CDYL2: variants seen among roughly 807,000 people sequenced by gnomAD.
The protein encoded by CDYL2 is chromodomain Y-like protein 2.
In CDYL2, 23 loss-of-function variants were observed where a neutral mutation model predicts 49.4. The ratio of observed to expected loss-of-function variants is 0.47; its 90% confidence interval spans 0.34 to 0.66. The LOEUF (loss-of-function observed/expected upper bound fraction) is 0.66. CDYL2 is among the 30% of genes least tolerant of loss of function. The pLI is 0.01. For missense variants in CDYL2, 678 were observed against 656.4 expected (o/e 1.03, Z -0.36); for synonymous variants, 360 against 268.8 (o/e 1.34, Z -3.32).
In CDYL2 at chr16:80,600,449, T is replaced by A. The variant is rs1192119078; in HGVS notation, c.*3939A>T. ...GCAACACTTATCTACAACAAAAATA[T>A]ACATGCAAGACAACCCCAAATGGTT... On this transcript the variant is annotated 3_prime_UTR_variant, in exon 7 of 7. Transcript: ENST00000570137. 1.3e-5 allele frequency: 2 copies of A among 152,150 alleles called. No individual in the cohort carries two copies. The highest frequency in any genetic ancestry group is 2.9e-5 in the Non-Finnish European group (2 of 68,026). The allele number at this position is 152,150 out of a possible 1,614,324, so 9.4% of individuals were successfully genotyped here. A position where few individuals can be genotyped will look rare whatever the true frequency, so the allele number is the denominator to read the frequency against.
chr16:80,684,261 T>C (rs1373577505), intron 2 of CDYL2, among the ~76,000 whole-genome samples: 1 of 152,104 alleles, frequency 6.6e-6, no homozygotes, highest in Admixed American at 6.5e-5. Context: ...ACCATGGCCT[T>C]GGGTGTCTTG....
At chr16:80,666,041 T>C (rs1187005721) in intron 2 of CDYL2, among the ~76,000 whole-genome samples, 3 of 152,122 alleles carry the variant, frequency 2.0e-5, no homozygotes, top group Non-Finnish European at 4.4e-5. Flanking sequence ...AAGCGGAGTC[T>C]GACAAAGGAG....
chr16:80,626,185 C>A (rs1359528644), intron 3 of CDYL2, among the ~76,000 whole-genome samples: 1 of 148,646 alleles, frequency 6.7e-6, no homozygotes. Flanking sequence ...GTGGTCCCAG[C>A]TCTTCAGCAG....
intron 6 of CDYL2, among the ~76,000 whole-genome samples, chr16:80,605,801 G>T (rs1906305811): frequency 6.6e-6 from 1 of 152,140 alleles, no homozygotes; most frequent in African/African-American, 2.4e-5. Context: ...GGATCTAAGA[G>T]AAATACTTTT....
At chr16:80,641,795 C>T (rs970115061) in intron 2 of CDYL2, among the ~76,000 whole-genome samples, 1 of 150,452 alleles carries the variant, frequency 6.6e-6, no homozygotes, top group South Asian at 2.1e-4. Context: ...ATACCTAACG[C>T]TAAATGACGA....
At chr16:80,627,341 G>T (rs989571279) in intron 3 of CDYL2, among the ~76,000 whole-genome samples, 14 of 151,288 alleles carry the variant, frequency 9.3e-5, no homozygotes, top group South Asian at 8.3e-4. Flanking sequence ...AAATTCTATA[G>T]ATGACTCAGA....
chr16:80,738,509 C>T (rs549192064), intron 1 of CDYL2, among the ~76,000 whole-genome samples: 17 of 152,146 alleles, frequency 1.1e-4, no homozygotes, highest in African/African-American at 4.1e-4. Flanking sequence ...AAGCCAGACA[C>T]AAGAGACTAT....
intron 6 of CDYL2, among the ~76,000 whole-genome samples, chr16:80,605,953 A>G (rs1339022654): frequency 6.6e-6 from 1 of 152,254 alleles, no homozygotes; most frequent in Non-Finnish European, 1.5e-5. Context: ...AGGGAGCAGG[A>G]AAACCTGGTC....
At chr16:80,682,353 A>T (rs16953819) in intron 2 of CDYL2, among the ~76,000 whole-genome samples, 3,801 of 152,318 alleles carry the variant, frequency 0.025, 61 homozygotes, top group African/African-American at 0.048. Flanking sequence ...CTAACAGGAC[A>T]ATCAACGGAT....
chr16:80,717,909 A>T (rs1011348811), intron 1 of CDYL2, among the ~76,000 whole-genome samples: 3 of 152,244 alleles, frequency 2.0e-5, no homozygotes, highest in Non-Finnish European at 4.4e-5. Flanking sequence ...AGTAGGGCAC[A>T]CTGAGCAGGC....
chr16:80,648,483 A>C (rs114540826), intron 2 of CDYL2, among the ~76,000 whole-genome samples: 1,839 of 152,246 alleles, frequency 0.012, 37 homozygotes, highest in African/African-American at 0.042. Flanking sequence ...ATCAATAACA[A>C]GTAGCGATAT....
chr16:80,632,872 G>A (rs1321023674), intron 3 of CDYL2, 147 bp downstream of exon 3: 4 of 675,036 alleles, frequency 5.9e-6, no homozygotes, highest in African/African-American at 3.6e-5. Context: ...AAAATGATGA[G>A]CAAATTGCGC....
intron 1 of CDYL2, among the ~76,000 whole-genome samples, chr16:80,748,168 A>G (rs972537513): frequency 6.8e-6 from 1 of 146,088 alleles, no homozygotes; most frequent in African/African-American, 2.5e-5. Flanking sequence ...TAATAATAAT[A>G]TAAAGAAAAG....
At chr16:80,759,066 T>C (rs3114386) in intron 1 of CDYL2, among the ~76,000 whole-genome samples, 30,453 of 138,372 alleles carry the variant, frequency 0.22, 4,476 homozygotes, top group East Asian at 0.6. Flanking sequence ...CATATGTACA[T>C]ACCTGGGTAT....
At chr16:80,725,855 T>C (rs1247035377) in intron 1 of CDYL2, among the ~76,000 whole-genome samples, 1 of 152,312 alleles carries the variant, frequency 6.6e-6, no homozygotes, top group African/African-American at 2.4e-5. Context: ...TTTTTCAAAT[T>C]CTCACTTGTT....
chr16:80,799,859 C>A (rs1370621981), intron 1 of CDYL2, among the ~76,000 whole-genome samples: 3 of 152,202 alleles, frequency 2.0e-5, no homozygotes, highest in Non-Finnish European at 4.4e-5. Context: ...TCCAATCCAA[C>A]TGATAACATT....
intron 1 of CDYL2, among the ~76,000 whole-genome samples, chr16:80,754,143 G>T (rs974759282): frequency 6.6e-6 from 1 of 152,128 alleles, no homozygotes; most frequent in South Asian, 2.1e-4. Flanking sequence ...TTTGCAACGT[G>T]TGCCCAAGAG....
chr16:80,783,080 G>A (rs150821072), intron 1 of CDYL2, among the ~76,000 whole-genome samples: 11 of 152,008 alleles, frequency 7.2e-5, no homozygotes, highest in Admixed American at 5.9e-4. Context: ...GTGCATCAAA[G>A]GACGTTGTTA....
At chr16:80,736,581 G>A (rs1015335029) in intron 1 of CDYL2, 7 of 152,156 alleles carry the variant, frequency 4.6e-5, no homozygotes, top group African/African-American at 1.7e-4. Flanking sequence ...TGAACACTGG[G>A]ACTGTGGACT....
Sources: allele counts gnomAD v4.1 joint callset (sites outside exome capture counted in the v4.1 genomes callset), GRCh38; gene constraint gnomAD v4.1.1; transcripts MANE v1.5; gene names NCBI Gene and HGNC (gene_info 2026-07-23, HGNC 2026-07-21).